The following SGCZ variants were observed in gnomAD, a reference collection of about 807,000 sequenced individuals.
SGCZ encodes the protein zeta-sarcoglycan.
A neutral mutation model predicts 41.3 loss-of-function variants in SGCZ; 40 were observed. That is an observed-to-expected ratio of 0.97 (90% CI 0.75 to 1.26). The LOEUF is 1.26. SGCZ is among the 50% of genes most tolerant of loss of function. The pLI, the probability that SGCZ is intolerant of heterozygous loss-of-function variation, is 0.00. For synonymous variants in SGCZ, 206 were observed against 137.5 expected, an observed-to-expected ratio of 1.50 and a Z score of -3.49; for missense variants, 552 against 369.8, an observed-to-expected ratio of 1.49 and a Z score of -4.04.
chr8:14,928,346 T>G (rs1209438906), intron 1 of SGCZ, among the ~76,000 whole-genome samples: 1 of 152,198 alleles, frequency 6.6e-6, no homozygotes, highest in Non-Finnish European at 1.5e-5. Context: ...TAAATATGTC[T>G]GTGCTCAGGG....
chr8:14,689,138 A>G (rs1808717035), intron 1 of SGCZ, among the ~76,000 whole-genome samples: 1 of 152,156 alleles, frequency 6.6e-6, no homozygotes, highest in African/African-American at 2.4e-5. Context: ...TCTTTAATAC[A>G]AATTTTCTGA....
chr8:14,990,202 G>C (rs565352271), intron 1 of SGCZ, among the ~76,000 whole-genome samples: 6 of 152,252 alleles, frequency 3.9e-5, no homozygotes, highest in African/African-American at 1.4e-4. Context: ...CTCGTGCTTA[G>C]AGTAGAAAAT....
chr8:14,841,100 T>C (rs1418661374), intron 1 of SGCZ, among the ~76,000 whole-genome samples: 2 of 149,922 alleles, frequency 1.3e-5, no homozygotes, highest in African/African-American at 4.9e-5. Context: ...AGAATAAGCA[T>C]TTGAGAAGAA....
intron 1 of SGCZ, among the ~76,000 whole-genome samples, chr8:15,205,202 G>C (rs1801021659): frequency 6.6e-6 from 1 of 152,236 alleles, no homozygotes; most frequent in African/African-American, 2.4e-5. Context: ...AAGGGGCAAA[G>C]ATTTCATTAC....
intron 1 of SGCZ, among the ~76,000 whole-genome samples, chr8:14,784,578 C>A (rs1040223547): frequency 9.2e-5 from 14 of 151,712 alleles, no homozygotes; most frequent in African/African-American, 3.4e-4. Context: ...ATATGAAACT[C>A]CTTAGACAAG....
chr8:15,164,858 G>A (rs1799611707), intron 1 of SGCZ, among the ~76,000 whole-genome samples: 1 of 152,034 alleles, frequency 6.6e-6, no homozygotes, highest in African/African-American at 2.4e-5. Context: ...GCAACGCTTT[G>A]CTTAGCAGTC....
intron 1 of SGCZ, among the ~76,000 whole-genome samples, chr8:15,229,466 G>C (rs1395870062): frequency 6.6e-6 from 1 of 152,116 alleles, no homozygotes; most frequent in Non-Finnish European, 1.5e-5. Context: ...ATTTAAAGTA[G>C]AAAAACACTA....
At chr8:14,255,431 C>A (rs889737174) in intron 3 of SGCZ, among the ~76,000 whole-genome samples, 1 of 152,116 alleles carries the variant, frequency 6.6e-6, no homozygotes, top group Non-Finnish European at 1.5e-5. Context: ...GTCCTTTTAG[C>A]TTACTGCTTC....
intron 1 of SGCZ, among the ~76,000 whole-genome samples, chr8:15,077,508 C>T (rs1805580548): frequency 6.6e-6 from 1 of 152,146 alleles, no homozygotes; most frequent in African/African-American, 2.4e-5. Context: ...ATATGGCAGT[C>T]AATCAAAGAA....
chr8:15,071,133 G>C (rs991667771), intron 1 of SGCZ, among the ~76,000 whole-genome samples: 2 of 152,094 alleles, frequency 1.3e-5, no homozygotes, highest in South Asian at 4.1e-4. Context: ...ATAACTTAAA[G>C]TTCCCTATTT....
intron 1 of SGCZ, among the ~76,000 whole-genome samples, chr8:15,160,435 G>A (rs1467676364): frequency 6.6e-6 from 1 of 152,114 alleles, no homozygotes. Flanking sequence ...TGTGAATAAC[G>A]CTGCTATGAA....
chr8:14,629,083 T>C (rs927399749), intron 1 of SGCZ, among the ~76,000 whole-genome samples: 9 of 152,162 alleles, frequency 5.9e-5, no homozygotes, highest in Non-Finnish European at 1.2e-4. Context: ...GGGAAAAATT[T>C]AATCTATCAG....
chr8:15,022,559 G>C (rs1300547480), intron 1 of SGCZ, among the ~76,000 whole-genome samples: 2 of 152,074 alleles, frequency 1.3e-5, no homozygotes, highest in Non-Finnish European at 2.9e-5. Flanking sequence ...TGCCAGGATG[G>C]TCTCGATCTC....
At chr8:14,818,262 CAT>C (rs1217967954) in intron 1 of SGCZ, among the ~76,000 whole-genome samples, 16 of 152,186 alleles carry the variant, frequency 1.1e-4, no homozygotes, top group Admixed American at 7.9e-4. Flanking sequence ...TGTACACACA[CAT>C]GTCTGGCCTG....
chr8:14,753,718 G>C (rs748329165), intron 1 of SGCZ, among the ~76,000 whole-genome samples: 1 of 152,164 alleles, frequency 6.6e-6, no homozygotes. Flanking sequence ...ATGATACAAA[G>C]TGGCAAAGTA....
chr8:14,939,750 G>A (rs1490524104), intron 1 of SGCZ, among the ~76,000 whole-genome samples: 1 of 152,004 alleles, frequency 6.6e-6, no homozygotes, highest in African/African-American at 2.4e-5. Context: ...GGTAAGACCG[G>A]CGCAAACAGT....
chr8:15,059,802 G>A (rs957168960), intron 1 of SGCZ, among the ~76,000 whole-genome samples: 1 of 152,160 alleles, frequency 6.6e-6, no homozygotes. Context: ...CCCTCATATA[G>A]CCCAAGAACT....
At chr8:14,238,676 C>T (rs1179799002) in intron 3 of SGCZ, among the ~76,000 whole-genome samples, 4 of 152,068 alleles carry the variant, frequency 2.6e-5, no homozygotes, top group Non-Finnish European at 5.9e-5. Flanking sequence ...GTAGGGTGAT[C>T]ATTTACAAAT....
chr8:14,108,088 ATTTTAGTTCTTCATATATTAAGGATT>A (rs1802261201), intron 6 of SGCZ, 49 bp downstream of exon 6: 5 of 1,258,486 alleles, frequency 4.0e-6, no homozygotes, highest in Non-Finnish European at 5.8e-6. Flanking sequence ...CTAGTTGTCT[ATTTTAGTTCTTCATATATTAAGGATT>A]ATCAACAATG....
Sources: gnomAD v4.1 joint callset for allele counts (sites outside exome capture counted in the v4.1 genomes callset) on GRCh38, gnomAD v4.1.1 for gene constraint, MANE v1.5 for transcripts, NCBI Gene and HGNC (gene_info 2026-07-23, HGNC 2026-07-21) for gene names.